NRCAM: variants seen among roughly 807,000 people sequenced by gnomAD.
NRCAM encodes neuronal cell adhesion molecule, also known as NgCAM-related cell adhesion molecule.
Under a neutral mutation model 156.5 loss-of-function variants are expected in NRCAM, and 83 were observed. The ratio of observed to expected loss-of-function variants is 0.53; its 90% CI spans 0.44 to 0.64. The LOEUF (loss-of-function observed/expected upper bound fraction) is 0.64. NRCAM is among the 30% of genes least tolerant of loss of function. NRCAM has a pLI of 0.00. For synonymous variants in NRCAM, 538 were observed against 563.9 expected (o/e 0.95, Z 0.65); for missense variants, 1,417 against 1,597.3 (o/e 0.89, Z 1.92).
chr7:108,170,530 C>T (rs2057832284), intron 28 of NRCAM, among the ~76,000 whole-genome samples: 1 of 152,192 alleles, frequency 6.6e-6, no homozygotes, highest in Non-Finnish European at 1.5e-5. Context: ...TTGTCTCTCA[C>T]CTACCTATGA....
intron 13 of NRCAM, among the ~76,000 whole-genome samples, chr7:108,200,365 C>T (rs956423449): frequency 2.0e-5 from 3 of 152,176 alleles, no homozygotes; most frequent in Non-Finnish European, 2.9e-5. Context: ...CTGTGGCAGG[C>T]AGCCATGGAT....
At chr7:108,453,291 C>T (rs1852612571) in intron 1 of NRCAM, among the ~76,000 whole-genome samples, 1 of 152,174 alleles carries the variant, frequency 6.6e-6, no homozygotes, top group Non-Finnish European at 1.5e-5. Context: ...GGGAAAATTA[C>T]ACCTGCATGA....
At chr7:108,305,335 A>C (rs1332081880) in intron 3 of NRCAM, among the ~76,000 whole-genome samples, 1 of 152,146 alleles carries the variant, frequency 6.6e-6, no homozygotes, top group African/African-American at 2.4e-5. Context: ...TGGAACGTAG[A>C]TATATTTTCC....
chr7:108,375,875 A>T (rs1242443684), intron 2 of NRCAM, among the ~76,000 whole-genome samples: 2 of 152,196 alleles, frequency 1.3e-5, no homozygotes, highest in Non-Finnish European at 2.9e-5. Context: ...CAAAAGAAGT[A>T]AGAGGAAGAG....
At chr7:108,442,675 C>A (rs1416010109) in intron 1 of NRCAM, among the ~76,000 whole-genome samples, 1 of 152,224 alleles carries the variant, frequency 6.6e-6, no homozygotes, top group Non-Finnish European at 1.5e-5. Context: ...TGCAAAATGA[C>A]TTTGGTCAAT....
chr7:108,307,956 T>C (rs1482512396), intron 3 of NRCAM, among the ~76,000 whole-genome samples: 3 of 152,244 alleles, frequency 2.0e-5, no homozygotes, highest in African/African-American at 7.2e-5. Context: ...CATGTGGACC[T>C]GAACACCTGA....
rs765393640 is a variant in NRCAM at position 108,168,315 on chromosome 7, T to C, written c.3275A>G (p.Glu1092Gly). The C allele has an allele frequency of 1.9e-6, 3 of 1,608,266 alleles. No homozygotes were observed. Among genetic ancestry groups the C allele is most frequent in the South Asian group, 2.2e-5 (2 of 89,636 alleles). ...ANISWEYEGP[E>G]HVNFYVEYGV... ...ATATTCAACATAAAAGTTCACATGCTCTGGTCCCTCATATTCCCAACTGAT... is the reference window on the plus strand; with the variant it reads ...ATATTCAACATAAAAGTTCACATGCCCTGGTCCCTCATATTCCCAACTGAT... Residue 1092 changes from glutamate to glycine, a missense_variant, in exon 29 of 33, where the codon GAG becomes GGG. By Grantham distance (98) the Glu-to-Gly change is moderately conservative. This residue lies in a region of NRCAM where 179 missense variants were observed against 260.9 expected (regional missense o/e 0.69). Transcript: ENST00000379028.
chr7:108,232,535 C>T lies in NRCAM; in HGVS notation c.231-13G>A, dbSNP rs375279284. On this transcript the variant is annotated splice_polypyrimidine_tract_variant and intron_variant, in intron 6 of 32. Coordinates refer to ENST00000379028, the MANE Select transcript of NRCAM (RefSeq NM_001037132.4). ...GGTCCAGGAAAAGCTGCCCAACACA[C>T]GAAGTGTTAAGTGTATTAATGGTCC... 6.9e-6 allele frequency: 11 copies of T among 1,597,890 alleles called. No individual in the cohort carries two copies. The highest frequency in any genetic ancestry group is 5.7e-5 in the South Asian group (5 of 88,238).
rs370729367 is a variant in NRCAM, at chr7:108,275,659, T to C, written c.-106-35489A>G. ...ATTAGTCTTGCAGGCGGTCTCTCAA[T>C]TTTGTTGATCTTTTCAAAAAGCCAG... On this transcript the variant is annotated intron_variant, in intron 3 of 32. Coordinates refer to ENST00000379028, the MANE Select transcript of NRCAM (RefSeq NM_001037132.4). Among the ~76,000 whole-genome samples the C allele has an allele frequency of 1.8e-4, 27 of 152,314 alleles. No homozygotes were observed. In the East Asian group the frequency reaches 5.2e-3, roughly 29 times the overall value.
chr7:108,332,890 C>T (rs10487846), intron 2 of NRCAM, among the ~76,000 whole-genome samples: 42,757 of 151,564 alleles, frequency 0.28, 6,125 homozygotes, highest in Middle Eastern at 0.31. Flanking sequence ...TAATAATAAC[C>T]GAAATTTGGA....
intron 2 of NRCAM, among the ~76,000 whole-genome samples, chr7:108,357,078 C>T (rs761740182): frequency 6.6e-6 from 1 of 152,210 alleles, no homozygotes; most frequent in Non-Finnish European, 1.5e-5. Flanking sequence ...GCACCCAGAT[C>T]TTGGACTTCC....
At chr7:108,422,863 C>CT (rs1812003542) in intron 1 of NRCAM, among the ~76,000 whole-genome samples, 1 of 152,160 alleles carries the variant, frequency 6.6e-6, no homozygotes, top group Non-Finnish European at 1.5e-5. Context: ...AAGAGTTACC[C>CT]TTTCCCACCT....
intron 5 of NRCAM, among the ~76,000 whole-genome samples, chr7:108,236,975 G>A (rs1175326920): frequency 4.6e-5 from 7 of 152,142 alleles, no homozygotes; most frequent in Non-Finnish European, 1.5e-5. Context: ...ACTCCTAACT[G>A]CCAGGAGTTT....
chr7:108,384,446 AG>A (rs1284687343), intron 2 of NRCAM, among the ~76,000 whole-genome samples: 1 of 152,194 alleles, frequency 6.6e-6, no homozygotes, highest in Non-Finnish European at 1.5e-5. Context: ...ATGAATTTGA[AG>A]GTTGTATTTG....
intron 1 of NRCAM, among the ~76,000 whole-genome samples, chr7:108,399,960 A>G (rs1198529541): frequency 2.6e-5 from 4 of 152,216 alleles, no homozygotes; most frequent in Non-Finnish European, 5.9e-5. Flanking sequence ...CGTGCTCTAT[A>G]ATCACATCAA....
chr7:108,345,196 T>C (rs2099343699), intron 2 of NRCAM, among the ~76,000 whole-genome samples: 1 of 152,184 alleles, frequency 6.6e-6, no homozygotes, highest in Non-Finnish European at 1.5e-5. Context: ...GAACAGAAAG[T>C]CTGGGTTCCA....
chr7:108,445,643 C>G (rs973012301), intron 1 of NRCAM, among the ~76,000 whole-genome samples: 6 of 152,138 alleles, frequency 3.9e-5, no homozygotes, highest in Non-Finnish European at 7.3e-5. Flanking sequence ...TGTTTTATCT[C>G]TATTTTCTAA....
intron 1 of NRCAM, among the ~76,000 whole-genome samples, chr7:108,419,350 T>A (rs567569522): frequency 6.6e-6 from 1 of 152,340 alleles, no homozygotes; most frequent in African/African-American, 2.4e-5. Context: ...CTTAACATAT[T>A]TCTTACTTCA....
intron 3 of NRCAM, among the ~76,000 whole-genome samples, chr7:108,268,242 T>C (rs1388578944): frequency 6.6e-6 from 1 of 152,164 alleles, no homozygotes; most frequent in African/African-American, 2.4e-5. Flanking sequence ...AAAATCACAC[T>C]AGAAATAGAT....
Sources: gnomAD v4.1 joint callset for allele counts (sites outside exome capture counted in the v4.1 genomes callset) on GRCh38, gnomAD v4.1.1 for gene constraint, gnomAD v4.1.1 regional missense constraint, MANE v1.5 for transcripts, NCBI Gene and HGNC (gene_info 2026-07-23, HGNC 2026-07-21) for gene names.